RAP1A: variants seen among roughly 807,000 people sequenced by gnomAD.
RAP1A encodes the protein ras-related protein Rap-1A.
RAP1A carries 6 observed loss-of-function variants against 26.4 expected under a neutral mutation model. The ratio of observed to expected loss-of-function variants is 0.23; its 90% CI spans 0.12 to 0.45. The LOEUF is 0.45. Among genes scored for constraint, RAP1A ranks in the 20% least tolerant of loss-of-function variants. The pLI is 0.99. For synonymous variants in RAP1A, 73 were observed against 79.4 expected, an observed-to-expected ratio of 0.92 and a Z score of 0.43; for missense variants, 121 against 217.2, an observed-to-expected ratio of 0.56 and a Z score of 2.78.
At chr1:111,612,518 C>T (rs1031803896) in intron 1 of RAP1A, among the ~76,000 whole-genome samples, 4 of 152,228 alleles carry the variant, frequency 2.6e-5, no homozygotes, top group African/African-American at 9.6e-5. Flanking sequence ...AGCTCTCTCA[C>T]AATGCACAAT....
At chr1:111,663,515 A>C (rs1354712160) in intron 1 of RAP1A, among the ~76,000 whole-genome samples, 1 of 152,068 alleles carries the variant, frequency 6.6e-6, no homozygotes, top group Non-Finnish European at 1.5e-5. Flanking sequence ...ATTGCCAGGC[A>C]CTCTCCTAAG....
chr1:111,617,478 G>A (rs575938094), upstream of RAP1A, among the ~76,000 whole-genome samples: 1 of 152,118 alleles, frequency 6.6e-6, no homozygotes, highest in Non-Finnish European at 1.5e-5. Flanking sequence ...TGTTGCCCAG[G>A]CTGGAGTGCA....
At chr1:111,680,946 G>A (rs1321050943) in intron 1 of RAP1A, among the ~76,000 whole-genome samples, 10 of 152,312 alleles carry the variant, frequency 6.6e-5, no homozygotes, top group Admixed American at 5.9e-4. Context: ...GGAAAAACCA[G>A]CACAAAAATA....
intron 1 of RAP1A, among the ~76,000 whole-genome samples, chr1:111,621,730 A>G (rs967845510): frequency 2.0e-5 from 3 of 152,228 alleles, no homozygotes; most frequent in South Asian, 2.1e-4. Flanking sequence ...CCCAGAATAA[A>G]GTTAATAGGC....
At chr1:111,639,224 A>G (rs1422048731) in intron 1 of RAP1A, among the ~76,000 whole-genome samples, 2 of 152,136 alleles carry the variant, frequency 1.3e-5, no homozygotes, top group East Asian at 1.9e-4. Flanking sequence ...CTCTACTTAT[A>G]CCTTCAGAGT....
intron 1 of RAP1A, among the ~76,000 whole-genome samples, chr1:111,563,340 G>T (rs1401332569): frequency 6.6e-6 from 1 of 152,126 alleles, no homozygotes; most frequent in African/African-American, 2.4e-5. Flanking sequence ...ACAACAAGCA[G>T]CTTACTGTCT....
chr1:111,669,049 G>GAAAAA (rs1557885181), intron 1 of RAP1A, among the ~76,000 whole-genome samples: 1 of 139,904 alleles, frequency 7.1e-6, no homozygotes, highest in African/African-American at 2.8e-5. Flanking sequence ...AAAAAAAAAA[G>GAAAAA]AAAGAAAAGA....
At chr1:111,587,566 C>A (rs1658399574) in intron 1 of RAP1A, among the ~76,000 whole-genome samples, 1 of 152,150 alleles carries the variant, frequency 6.6e-6, no homozygotes, top group Non-Finnish European at 1.5e-5. Flanking sequence ...TCTTTCCTGG[C>A]AAAATATAAA....
intron 1 of RAP1A, among the ~76,000 whole-genome samples, chr1:111,665,215 A>T (rs1434784890): frequency 6.6e-6 from 1 of 152,066 alleles, no homozygotes; most frequent in Non-Finnish European, 1.5e-5. Context: ...AGTTTGAAAA[A>T]CAAAGATATC....
intron 1 of RAP1A, among the ~76,000 whole-genome samples, chr1:111,592,867 G>C (rs951002189): frequency 3.1e-4 from 47 of 152,022 alleles, no homozygotes; most frequent in African/African-American, 1.1e-3. Context: ...TTGGCTCTGC[G>C]TGGCTCTTCT....
At chr1:111,655,296 G>A (rs1003493886) in intron 1 of RAP1A, among the ~76,000 whole-genome samples, 2 of 149,918 alleles carry the variant, frequency 1.3e-5, no homozygotes, top group African/African-American at 4.9e-5. Context: ...ATTAACTTGA[G>A]CGTGATAAAC....
At chr1:111,629,218 G>A (rs563063872) in intron 1 of RAP1A, among the ~76,000 whole-genome samples, 1 of 152,102 alleles carries the variant, frequency 6.6e-6, no homozygotes, top group Non-Finnish European at 1.5e-5. Context: ...GAAATTGTGT[G>A]TATGATGTTT....
At chr1:111,604,231 CCTAT>C (rs1376492834) in intron 1 of RAP1A, 6 of 152,212 alleles carry the variant, frequency 3.9e-5, no homozygotes, top group African/African-American at 1.4e-4. Context: ...GTGAAGCTGC[CCTAT>C]CTGTGAGCAT....
At chr1:111,685,254 G>A (rs942076504) in intron 1 of RAP1A, among the ~76,000 whole-genome samples, 8 of 152,046 alleles carry the variant, frequency 5.3e-5, no homozygotes, top group Non-Finnish European at 1.0e-4. Flanking sequence ...CAATGGCAAC[G>A]AAAGCCAAAA....
chr1:111,703,565 G>A, intron 5 of RAP1A, 89 bp downstream of exon 5: 1 of 1,244,970 alleles, frequency 8.0e-7, no homozygotes, highest in East Asian at 2.6e-5. Flanking sequence ...TAGAGGATTT[G>A]GAAGCTATCT....
rs375888335 is a variant in RAP1A at position 111,697,295 on chromosome 1, A to G, written c.127-146A>G. The G allele has an allele frequency of 1.4e-4, 206 of 1,482,130 alleles. 9 individuals carry two copies. Among genetic ancestry groups the G allele is most frequent in the East Asian group, 8.8e-4 (37 of 42,148 alleles). The allele number at this position is 1,482,130 out of a possible 1,614,324, so 91.8% of individuals were successfully genotyped here. On this transcript the variant is annotated intron_variant, in intron 3 of 7. Coordinates refer to ENST00000369709, the MANE Select transcript of RAP1A (RefSeq NM_002884.4). The stretch of plus-strand genomic sequence containing the variant: ...TGAGACCGCTGTTCTTTATTGTGGT[A>G]CCAAGTTTACCCCCAGCCATTACAG...
chr1:111,581,045 G>C (rs1053528114), intron 1 of RAP1A, among the ~76,000 whole-genome samples: 6 of 99,004 alleles, frequency 6.1e-5, no homozygotes, highest in Non-Finnish European at 1.1e-4. Flanking sequence ...ACAGTGCAAA[G>C]AGGACACAGG....
At chr1:111,651,144 T>G (rs1474538541) in intron 1 of RAP1A, among the ~76,000 whole-genome samples, 1 of 152,162 alleles carries the variant, frequency 6.6e-6, no homozygotes. Flanking sequence ...GCCCTAAAAG[T>G]CTTCTGTGTT....
chr1:111,588,847 T>C (rs1388679054), intron 1 of RAP1A, among the ~76,000 whole-genome samples: 2 of 152,248 alleles, frequency 1.3e-5, no homozygotes, highest in Non-Finnish European at 2.9e-5. Flanking sequence ...TGTATGTTTT[T>C]GGCTGAAGGT....
Sources: allele counts gnomAD v4.1 joint callset (sites outside exome capture counted in the v4.1 genomes callset), GRCh38; gene constraint gnomAD v4.1.1; transcripts MANE v1.5; gene names NCBI Gene and HGNC (gene_info 2026-07-23, HGNC 2026-07-21).